FAM120A: variants seen among roughly 807,000 people sequenced by gnomAD.
FAM120A encodes the protein constitutive coactivator of PPAR-gamma-like protein 1.
FAM120A carries 15 observed loss-of-function variants against 109.7 expected under a neutral mutation model. The observed-to-expected ratio is 0.14, with a 90% CI of 0.09 to 0.21. The LOEUF (loss-of-function observed/expected upper bound fraction) is 0.21. Among genes scored for constraint, FAM120A ranks in the 10% least tolerant of loss-of-function variants. FAM120A has a pLI of 1.00. For missense variants in FAM120A, 899 were observed against 1,439.3 expected, an observed-to-expected ratio of 0.62 and a Z score of 6.07; for synonymous variants, 493 against 572.8, an observed-to-expected ratio of 0.86 and a Z score of 1.99.
intron 17 of FAM120A, among the ~76,000 whole-genome samples, chr9:93,562,868 T>C (rs1455577879): frequency 6.6e-6 from 1 of 152,142 alleles, no homozygotes; most frequent in African/African-American, 2.4e-5. Context: ...TTTCACCATG[T>C]TGGCCAGGCT....
chr9:93,497,605 A>G lies in FAM120A; in HGVS notation c.933+6A>G. The G allele has an allele frequency of 6.3e-7, 1 of 1,591,986 alleles. No individual in the cohort carries two copies. On this transcript the variant is annotated splice_donor_region_variant and intron_variant, in intron 4 of 17. Transcript: ENST00000277165. Reference sequence around the variant, plus strand: ...ATGTTTTCCAGCATTCACAGGTAAAAAAAAAAACAAACAAAACAAAAAAAC... The same window carrying G: ...ATGTTTTCCAGCATTCACAGGTAAAGAAAAAAACAAACAAAACAAAAAAAC...
At position 93,529,511 on chromosome 9, in the gene FAM120A, G is replaced by A. The variant is rs1861238383; in HGVS notation, c.1665G>A (p.Val555=). 6.2e-7 allele frequency: 1 copy of A among 1,614,224 alleles called. No individual in the cohort carries two copies. The highest frequency in any genetic ancestry group is 2.2e-5 in the East Asian group (1 of 44,878). Residue 555 remains valine, a synonymous_variant, in exon 9 of 18, where the codon GTG becomes GTA. Transcript: ENST00000277165. ...CCCTGCCCCCCGTCGCACCTGAGGTGCTGAGAGTGGCCGAGCACAGGCACA... is the reference window on the plus strand; with the variant it reads ...CCCTGCCCCCCGTCGCACCTGAGGTACTGAGAGTGGCCGAGCACAGGCACA... The part of the protein sequence containing the change: ...TPPLPPVAPE[V]LRVAEHRHKK...
At position 93,556,526 on chromosome 9, in the gene FAM120A, T is replaced by C; in HGVS notation, c.2419T>C (p.Phe807Leu). 6.2e-7 allele frequency: 1 copy of C among 1,614,216 alleles called. No homozygotes were observed. Reference sequence around the variant, plus strand: ...TTGGATGTATTTTGATGGGAAGCTCTTCCAATCCAAACTCCTCAAAGCCAG... The same window carrying C: ...TTGGATGTATTTTGATGGGAAGCTCCTCCAATCCAAACTCCTCAAAGCCAG... ...CPWMYFDGKL[F>L]QSKLLKASRE... is the part of the protein sequence containing the mutation. The change falls in exon 13 of 18, where the codon TTC (phenylalanine) becomes CTC (leucine). Residue 807 changes from phenylalanine to leucine, a missense_variant. Phe to Leu is a conservative substitution (Grantham distance 22). Coordinates refer to ENST00000277165, the MANE Select transcript of FAM120A (RefSeq NM_014612.5).
intron 7 of FAM120A, among the ~76,000 whole-genome samples, chr9:93,520,733 A>G (rs778840174): frequency 2.4e-4 from 36 of 152,296 alleles, no homozygotes; most frequent in South Asian, 1.2e-3. Context: ...CCATGCTGTC[A>G]TCAGGGTTCA....
chr9:93,557,610 T>C (rs1203991001), intron 13 of FAM120A, among the ~76,000 whole-genome samples: 1 of 152,244 alleles, frequency 6.6e-6, no homozygotes, highest in East Asian at 1.9e-4. Context: ...CTTTGCCGTG[T>C]TCTGCACAAG....
At chr9:93,495,323 A>T (rs75569180) in intron 3 of FAM120A, among the ~76,000 whole-genome samples, 1 of 152,350 alleles carries the variant, frequency 6.6e-6, no homozygotes, top group African/African-American at 2.4e-5. Context: ...TACCACCATG[A>T]TCCTCAACAA....
At chr9:93,459,215 C>T (rs545058746) in intron 1 of FAM120A, among the ~76,000 whole-genome samples, 1 of 152,348 alleles carries the variant, frequency 6.6e-6, no homozygotes, top group African/African-American at 2.4e-5. Flanking sequence ...ATTGCACCTA[C>T]CTGCATAACT....
chr9:93,502,398 T>A (rs1440395200), intron 5 of FAM120A, among the ~76,000 whole-genome samples: 1 of 152,164 alleles, frequency 6.6e-6, no homozygotes, highest in African/African-American at 2.4e-5. Context: ...TTATATTTTT[T>A]AAAAAGGAAT....
At position 93,562,259 on chromosome 9, in the gene FAM120A, T is replaced by C. The variant is rs757838797; in HGVS notation, c.3000T>C (p.Gly1000=). 1 of 1,614,120 alleles carries C rather than the reference T, an allele frequency of 6.2e-7. No homozygotes were observed. The highest frequency in any genetic ancestry group is 8.5e-7 in the Non-Finnish European group (1 of 1,180,000). The change falls in exon 17 of 18, where the codon GGT becomes GGC. Residue 1000 remains glycine (G), a synonymous_variant. Transcript: ENST00000277165. ...STPVIRTFGR[G]GRYYGRGYKN... ...CAGTGATTAGAACATTTGGAAGAGG[T>C]GGAAGGTACTATGGCAGAGGTTACA...
At chr9:93,556,786 A>T (rs1372793860) in intron 13 of FAM120A, among the ~76,000 whole-genome samples, 195 bp downstream of exon 13, 2 of 152,136 alleles carry the variant, frequency 1.3e-5, no homozygotes, top group East Asian at 3.8e-4. Flanking sequence ...ATTGTTTCTC[A>T]TTATTTGTGG....
At chr9:93,545,116 G>C (rs1173576606) in intron 11 of FAM120A, among the ~76,000 whole-genome samples, 1 of 151,996 alleles carries the variant, frequency 6.6e-6, no homozygotes, top group East Asian at 1.9e-4. Context: ...CAGATGTTCT[G>C]CTTGCCCCTG....
chr9:93,557,127 G>GTTTTT (rs60903831), intron 13 of FAM120A, among the ~76,000 whole-genome samples: 102 of 120,180 alleles, frequency 8.5e-4, no homozygotes, highest in African/African-American at 2.8e-3. Context: ...GTTTGTTTTG[G>GTTTTT]TTTTTTTTTT....
In FAM120A at chr9:93,512,464, C is replaced by T. The variant is rs1435030253; in HGVS notation, c.1031-3203C>T. Among the ~76,000 whole-genome samples the T allele has an allele frequency of 4.6e-5, 7 of 152,178 alleles. No homozygotes were observed. In the East Asian group the frequency reaches 1.2e-3, roughly 25 times the overall value. ...TATTTAAAAACTATTTTTAAAGTTACGAAATATTTTGAAATATAGTAAACT... is the reference window on the plus strand; with the variant it reads ...TATTTAAAAACTATTTTTAAAGTTATGAAATATTTTGAAATATAGTAAACT... On this transcript the variant is annotated intron_variant, in intron 5 of 17. Coordinates refer to ENST00000277165, the MANE Select transcript of FAM120A (RefSeq NM_014612.5).
intron 11 of FAM120A, among the ~76,000 whole-genome samples, chr9:93,545,230 T>C (rs10761234): frequency 0.56 from 84,842 of 151,968 alleles, 24,388 homozygotes; most frequent in African/African-American, 0.69. Context: ...TCGGAGGTTC[T>C]GTGCTGCAGG....
rs150227610 is a variant in FAM120A at position 93,477,959 on chromosome 9, A to G, written c.804+1621A>G. Among the ~76,000 whole-genome samples, 28 of 152,340 alleles carry G rather than the reference A, an allele frequency of 1.8e-4. No individual in the cohort carries two copies. In the South Asian group the frequency reaches 2.7e-3, roughly 15 times the overall value. On this transcript the variant is annotated intron_variant, in intron 3 of 17. Transcript: ENST00000277165. ...GTATATCCCCCATCTTGGTTCAACA[A>G]TTATAAACATTTTGCCATAAAGTAT...
chr9:93,509,384 G>GT (rs1350645818), intron 5 of FAM120A, among the ~76,000 whole-genome samples: 2 of 152,234 alleles, frequency 1.3e-5, no homozygotes, highest in Non-Finnish European at 2.9e-5. Flanking sequence ...GCTATGAGCC[G>GT]TAAGTGGGGC....
At chr9:93,490,886 G>A (rs1261805019) in intron 3 of FAM120A, among the ~76,000 whole-genome samples, 5 of 152,156 alleles carry the variant, frequency 3.3e-5, no homozygotes, top group Non-Finnish European at 7.4e-5. Context: ...TAGTCACCAG[G>A]CAGCTTCAGT....
At chr9:93,502,245 A>G (rs561575316) in intron 5 of FAM120A, among the ~76,000 whole-genome samples, 2 of 152,284 alleles carry the variant, frequency 1.3e-5, no homozygotes, top group African/African-American at 4.8e-5. Context: ...ATTTTAGGGT[A>G]ATCATATTAT....
At chr9:93,497,362 A>G in intron 3 of FAM120A, 109 bp from the exon 4 acceptor site, 1 of 1,391,602 alleles carries the variant, frequency 7.2e-7, no homozygotes, top group Non-Finnish European at 1.0e-6. Context: ...TTGGGCACTG[A>G]TAAGATCTTA....
Sources: gnomAD v4.1 joint callset for allele counts (sites outside exome capture counted in the v4.1 genomes callset) on GRCh38, gnomAD v4.1.1 for gene constraint, MANE v1.5 for transcripts, NCBI Gene and HGNC (gene_info 2026-07-23, HGNC 2026-07-21) for gene names.